SLIT2: variants seen among roughly 807,000 people sequenced by gnomAD.
SLIT2 encodes the protein slit homolog 2 protein.
SLIT2 carries 41 observed loss-of-function variants against 185.7 expected under a neutral mutation model. The ratio of observed to expected loss-of-function variants is 0.22; its 90% confidence interval spans 0.17 to 0.29. The LOEUF is 0.29. Ranked by LOEUF, SLIT2 falls within the 10% of genes least tolerant of loss-of-function variation. SLIT2 has a pLI of 1.00. For synonymous variants in SLIT2, 693 were observed against 680.2 expected (o/e 1.02, Z -0.29); for missense variants, 1,571 against 1,909.0 (o/e 0.82, Z 3.30).
intron 16 of SLIT2, 107 bp downstream of exon 16, chr4:20,529,206 T>A: frequency 1.3e-5 from 10 of 761,158 alleles, no homozygotes; most frequent in African/African-American, 3.5e-5. Context: ...TGCATTAATT[T>A]TAATTAATAT....
intron 26 of SLIT2, chr4:20,554,266 T>A (rs907765403): frequency 8.0e-6 from 4 of 497,012 alleles, no homozygotes; most frequent in Non-Finnish European, 1.6e-5. Flanking sequence ...ACAAGTCAAA[T>A]GTTTTGCTTT....
chr4:20,491,954 G>A, intron 9 of SLIT2, 55 bp downstream of exon 9: 1 of 1,569,268 alleles, frequency 6.4e-7, no homozygotes, highest in Non-Finnish European at 8.7e-7. Flanking sequence ...ACCAAACTTT[G>A]ATTTTCTTTG....
chr4:20,320,131 A>ATT (rs2109161205), intron 4 of SLIT2, among the ~76,000 whole-genome samples: 2 of 152,322 alleles, frequency 1.3e-5, no homozygotes, highest in South Asian at 4.1e-4. Context: ...TCAGGCTGAT[A>ATT]TTAGGGGAAA....
chr4:20,531,798 G>T (rs1278466056), intron 16 of SLIT2, among the ~76,000 whole-genome samples, 186 bp from the exon 17 acceptor site: 3 of 148,036 alleles, frequency 2.0e-5, no homozygotes, highest in Non-Finnish European at 3.0e-5. Context: ...ATTTTATTTT[G>T]ATGATTAAAA....
chr4:20,546,695 A>G (rs1305035448), intron 22 of SLIT2, among the ~76,000 whole-genome samples: 1 of 152,014 alleles, frequency 6.6e-6, no homozygotes, highest in African/African-American at 2.4e-5. Flanking sequence ...CTCTTTTTTT[A>G]TTAATGTAAA....
At chr4:20,406,392 C>G (rs978430215) in intron 4 of SLIT2, among the ~76,000 whole-genome samples, 2 of 143,246 alleles carry the variant, frequency 1.4e-5, no homozygotes, top group African/African-American at 4.9e-5. Context: ...ATATATGTAA[C>G]CACTGAAGGA....
At chr4:20,379,285 T>C (rs966161982) in intron 4 of SLIT2, among the ~76,000 whole-genome samples, 6 of 152,146 alleles carry the variant, frequency 3.9e-5, no homozygotes, top group East Asian at 1.9e-4. Context: ...GAGAACTCTG[T>C]AATGAACATA....
intron 9 of SLIT2, among the ~76,000 whole-genome samples, chr4:20,492,769 A>G (rs1717892500): frequency 6.6e-6 from 1 of 152,114 alleles, no homozygotes; most frequent in Non-Finnish European, 1.5e-5. Context: ...TATGCGAAAA[A>G]GTTGTTTTTA....
intron 9 of SLIT2, among the ~76,000 whole-genome samples, chr4:20,509,514 C>A (rs10014346): frequency 0.37 from 55,512 of 151,962 alleles, 11,047 homozygotes; most frequent in African/African-American, 0.54. Context: ...TCACCACCCT[C>A]CCAGTGTCTG....
chr4:20,377,798 G>C (rs1488316171), intron 4 of SLIT2, among the ~76,000 whole-genome samples: 1 of 152,102 alleles, frequency 6.6e-6, no homozygotes, highest in African/African-American at 2.4e-5. Flanking sequence ...GCTCCCCTTA[G>C]TCCTGCCCAT....
intron 21 of SLIT2, 62 bp downstream of exon 21, chr4:20,542,688 C>T: frequency 2.6e-6 from 4 of 1,531,290 alleles, no homozygotes; most frequent in South Asian, 2.3e-5. Flanking sequence ...TTCATACACC[C>T]AGAGGAATGG....
At chr4:20,360,013 T>C (rs1722616249) in intron 4 of SLIT2, among the ~76,000 whole-genome samples, 1 of 152,070 alleles carries the variant, frequency 6.6e-6, no homozygotes, top group African/African-American at 2.4e-5. Context: ...AGAAATGGTA[T>C]GGTACCTAGG....
At chr4:20,570,731 GTATATATATA>G (rs55841917) in intron 29 of SLIT2, among the ~76,000 whole-genome samples, 127 of 125,542 alleles carry the variant, frequency 1.0e-3, no homozygotes, top group African/African-American at 2.9e-3. Flanking sequence ...ATATATATAT[GTATATATATA>G]TATATATATA....
At chr4:20,326,664 G>C (rs764395205) in intron 4 of SLIT2, among the ~76,000 whole-genome samples, 4 of 149,602 alleles carry the variant, frequency 2.7e-5, no homozygotes, top group South Asian at 2.1e-4. Flanking sequence ...CTCTTATTCT[G>C]AGTCTTCTTG....
chr4:20,269,138 G>A (rs758368379), intron 4 of SLIT2, among the ~76,000 whole-genome samples: 25 of 151,748 alleles, frequency 1.6e-4, no homozygotes, highest in Non-Finnish European at 3.1e-4. Context: ...ACGTGATGAT[G>A]GCGAGATTTA....
rs574190959 is a variant in SLIT2, at chr4:20,373,696, G to A, written c.396-94056G>A. ...TTGAGGTGCCAAACTCACTTCTAGG[G>A]ACCACAAATATATAAATGACTAAGT... On this transcript the variant is annotated intron_variant, in intron 4 of 36. Transcript: ENST00000504154. Among the ~76,000 whole-genome samples, 7 of 152,056 alleles carry A rather than the reference G, an allele frequency of 4.6e-5. No homozygotes were observed. In the South Asian group the frequency reaches 1.5e-3, roughly 32 times the overall value.
intron 9 of SLIT2, 52 bp from the exon 10 acceptor site, chr4:20,510,443 A>G: frequency 1.8e-6 from 2 of 1,110,666 alleles, no homozygotes; most frequent in Non-Finnish European, 2.8e-6. Context: ...TGAATTAAAC[A>G]TGTCCGAAGG....
At chr4:20,445,121 T>C (rs763827517) in intron 4 of SLIT2, among the ~76,000 whole-genome samples, 6 of 152,174 alleles carry the variant, frequency 3.9e-5, no homozygotes, top group Non-Finnish European at 8.8e-5. Context: ...GCCATTCCCC[T>C]CACCCCTCTC....
chr4:20,438,527 T>A (rs1439098863), intron 4 of SLIT2, among the ~76,000 whole-genome samples: 2 of 152,116 alleles, frequency 1.3e-5, no homozygotes, highest in Non-Finnish European at 1.5e-5. Flanking sequence ...ACTGGTTCCC[T>A]CCCATAACAC....
Sources: allele counts gnomAD v4.1 joint callset (sites outside exome capture counted in the v4.1 genomes callset), GRCh38; gene constraint gnomAD v4.1.1; transcripts MANE v1.5; gene names NCBI Gene and HGNC (gene_info 2026-07-23, HGNC 2026-07-21).